Variants in DMXL1 observed in about 807,000 individuals in gnomAD.
DMXL1 encodes the protein dmX-like protein 1.
In DMXL1, 99 loss-of-function variants were observed where a neutral mutation model predicts 319.2. The ratio of observed to expected loss-of-function variants is 0.31; its 90% CI spans 0.26 to 0.37. DMXL1 has a LOEUF of 0.37. Among genes scored for constraint, DMXL1 ranks in the 10% least tolerant of loss-of-function variants. The probability of loss-of-function intolerance (pLI) is 1.00; values close to 1 mark genes in which losing one functional copy is unlikely to be tolerated. For missense variants in DMXL1, 3,745 were observed against 3,595.6 expected (o/e 1.04, Z -1.06); for synonymous variants, 1,385 against 1,235.2 (o/e 1.12, Z -2.54).
chr5:119,191,789 C>A (rs1581237129), intron 29 of DMXL1, among the ~76,000 whole-genome samples: 2 of 152,186 alleles, frequency 1.3e-5, no homozygotes, highest in Non-Finnish European at 2.9e-5. Flanking sequence ...TCACAGCCTT[C>A]CCTGCTGACC....
In DMXL1 at chr5:119,170,590, A is replaced by G; in HGVS notation, c.5799A>G (p.Gly1933=). ...DWSQSLINGF[G]SSSEGSSEKQ... ...CACAGTCACTGATAAATGGTTTTGG[A>G]TCTTCTTCAGAGGGTTCCTCAGAGA... Residue 1933 remains glycine, a synonymous_variant, in exon 24 of 44, where the codon GGA becomes GGG. Transcript: ENST00000539542. 3 of 1,613,654 alleles carry G rather than the reference A, an allele frequency of 1.9e-6. No individual in the cohort carries two copies. Among genetic ancestry groups the G allele is most frequent in the Non-Finnish European group, 2.5e-6 (3 of 1,179,872 alleles).
At chr5:119,177,178 G>A (rs957047187) in intron 26 of DMXL1, among the ~76,000 whole-genome samples, 179 bp from the exon 27 acceptor site, 2 of 151,986 alleles carry the variant, frequency 1.3e-5, no homozygotes, top group East Asian at 3.8e-4. Context: ...TAGAAAATGT[G>A]TATATTTACA....
rs947721986 is a variant in DMXL1 at position 119,244,801 on chromosome 5, A to G, written c.8922+225A>G. On this transcript the variant is annotated intron_variant, in intron 43 of 43. Transcript: ENST00000539542. ...ATGTTTAATTCATACTAAAACACCA[A>G]ATTTTCCATGAATATAAACATAATT... Among the ~76,000 whole-genome samples the G allele has an allele frequency of 2.0e-5, 3 of 152,308 alleles. No individual in the cohort carries two copies. In the South Asian group the frequency reaches 6.2e-4, roughly 32 times the overall value.
intron 19 of DMXL1, among the ~76,000 whole-genome samples, chr5:119,161,018 A>T (rs2150203731): frequency 6.6e-6 from 1 of 152,238 alleles, no homozygotes; most frequent in East Asian, 1.9e-4. Flanking sequence ...TTGTTTCGAG[A>T]TATAATGATT....
At chr5:119,071,776 C>A in intron 1 of DMXL1, 120 bp downstream of exon 1, 2 of 844,780 alleles carry the variant, frequency 2.4e-6, no homozygotes, top group Non-Finnish European at 3.6e-6. Flanking sequence ...GGGGTCCTTA[C>A]CACCCAGAAC....
rs775707185 is a variant in DMXL1 at position 119,129,205 on chromosome 5, T to C, written c.1103-6T>C. 6.3e-7 allele frequency: 1 copy of C among 1,583,268 alleles called. No individual in the cohort carries two copies. The highest frequency in any genetic ancestry group is 1.1e-5 in the South Asian group (1 of 87,084). On this transcript the variant is annotated splice_region_variant and splice_polypyrimidine_tract_variant and intron_variant, in intron 9 of 43. Coordinates refer to ENST00000539542, the MANE Select transcript of DMXL1 (RefSeq NM_001290321.3). ...ATTTTAATTTTATCTTTTTTTTCTC[T>C]TATAGACATTCCACTTCTTCCATCT...
In DMXL1 at chr5:119,164,518, A is replaced by G. The variant is rs1773005778; in HGVS notation, c.4714A>G (p.Ser1572Gly). Residue 1572 changes from serine (S) to glycine (G), a missense_variant, in exon 20 of 44, where the codon AGT becomes GGT. Physicochemically the swap from Ser to Gly is moderately conservative, Grantham distance 56. Transcript: ENST00000539542. The part of the protein sequence containing the change: ...AQLLHQGLST[S>G]HFAWAFHSVA... Reference sequence around the variant, plus strand: ...TTACATTTCTTCAGGCCTGTCTACAAGTCATTTTGCTTGGGCATTTCACTC... The same window carrying G: ...TTACATTTCTTCAGGCCTGTCTACAGGTCATTTTGCTTGGGCATTTCACTC... 6.2e-7 allele frequency: 1 copy of G among 1,613,938 alleles called. No homozygotes were observed. The highest frequency in any genetic ancestry group is 1.3e-5 in the African/African-American group (1 of 75,060).
intron 1 of DMXL1, among the ~76,000 whole-genome samples, chr5:119,072,404 CAT>C (rs1561515601): frequency 6.6e-6 from 1 of 151,984 alleles, no homozygotes; most frequent in African/African-American, 2.4e-5. Context: ...AGTAATTGCA[CAT>C]GATACTTTTA....
chr5:119,144,438 C>T (rs1460866096), intron 14 of DMXL1, 98 bp from the exon 15 acceptor site: 4 of 876,102 alleles, frequency 4.6e-6, no homozygotes, highest in Non-Finnish European at 7.2e-6. Flanking sequence ...TCTTATTCTG[C>T]CTTTAAATAT....
intron 10 of DMXL1, among the ~76,000 whole-genome samples, chr5:119,131,097 A>G (rs951093406): frequency 6.8e-6 from 1 of 146,248 alleles, no homozygotes; most frequent in African/African-American, 2.5e-5. Context: ...ATCTTTTATT[A>G]TATTTTTGCC....
At chr5:119,104,673 A>G (rs533870235) in intron 3 of DMXL1, among the ~76,000 whole-genome samples, 5 of 152,248 alleles carry the variant, frequency 3.3e-5, no homozygotes, top group Admixed American at 6.5e-5. Flanking sequence ...GTCAGCATAC[A>G]TTGTGTATTT....
intron 25 of DMXL1, among the ~76,000 whole-genome samples, chr5:119,174,808 C>T (rs1462240618): frequency 1.3e-5 from 2 of 152,210 alleles, no homozygotes; most frequent in Non-Finnish European, 1.5e-5. Context: ...CCTCTAGTTT[C>T]ACTCTCTTCA....
At chr5:119,163,870 C>T (rs577579422) in intron 19 of DMXL1, among the ~76,000 whole-genome samples, 9 of 152,180 alleles carry the variant, frequency 5.9e-5, no homozygotes, top group Admixed American at 1.3e-4. Context: ...CCAGCGCGCC[C>T]GGCCTAATTG....
In DMXL1 at chr5:119,170,831, A is replaced by G. The variant is rs779327527; in HGVS notation, c.6040A>G (p.Asn2014Asp). Residue 2014 changes from asparagine to aspartate, a missense_variant, in exon 24 of 44, where the codon AAT becomes GAT. Around this residue, in one of 4 missense-constraint regions of DMXL1, gnomAD observed 1,382 missense variants for 1,269.5 expected, o/e 1.09. Transcript: ENST00000539542. Reference sequence around the variant, plus strand: ...AGAATCTTTCAGCACACTAGATGAAAATGACCTTTTAAATCCATCAGAAGA... The same window carrying G: ...AGAATCTTTCAGCACACTAGATGAAGATGACCTTTTAAATCCATCAGAAGA... ...YTESFSTLDENDLLNPSEDII... is the reference protein window; with the variant it reads ...YTESFSTLDEDDLLNPSEDII... 5.0e-6 allele frequency: 8 copies of G among 1,612,106 alleles called. No individual in the cohort carries two copies. The East Asian group carries it at 1.3e-4, about 27-fold the overall frequency.
intron 8 of DMXL1, among the ~76,000 whole-genome samples, chr5:119,119,361 T>C (rs1010177577): frequency 4.6e-5 from 7 of 152,156 alleles, no homozygotes; most frequent in Non-Finnish European, 1.0e-4. Context: ...TCTTCTACCA[T>C]TTTATCTTTA....
rs1202621683 is a variant in DMXL1 at position 119,149,057 on chromosome 5, A to G, written c.3230A>G (p.His1077Arg). 1.2e-6 allele frequency: 2 copies of G among 1,613,844 alleles called. No homozygotes were observed. Among genetic ancestry groups the G allele is most frequent in the African/African-American group, 1.3e-5 (1 of 74,912 alleles). ...NSRSSQDFVMHVSIFECESTG... is the reference protein window; with the variant it reads ...NSRSSQDFVMRVSIFECESTG... ...AGATCTTCCCAGGACTTTGTGATGC[A>G]TGTAAGTATTTTTGAATGTGAGTCA... Residue 1077 changes from histidine (H) to arginine (R), a missense_variant, in exon 18 of 44, where the codon CAT becomes CGT. His to Arg is a conservative substitution (Grantham distance 29). Transcript: ENST00000539542.
In DMXL1 at chr5:119,238,806, G is replaced by T. The variant is rs1324051827; in HGVS notation, c.8560-183G>T. On this transcript the variant is annotated intron_variant, in intron 40 of 43. Coordinates refer to ENST00000539542, the MANE Select transcript of DMXL1 (RefSeq NM_001290321.3). ...AAATGTTAAAAAGTTGCTGCATCTGGGTAAAAGGTATATGAAAGTTCTCTG... is the reference window on the plus strand; with the variant it reads ...AAATGTTAAAAAGTTGCTGCATCTGTGTAAAAGGTATATGAAAGTTCTCTG... 4 of 840,424 alleles carry T rather than the reference G, an allele frequency of 4.8e-6. No individual in the cohort carries two copies. The African/African-American group carries it at 7.3e-5, about 15-fold the overall frequency. The allele number at this position is 840,424 out of a possible 1,614,324, so 52.1% of individuals were successfully genotyped here. A position where few individuals can be genotyped will look rare whatever the true frequency, so the allele number is the denominator to read the frequency against.
At chr5:119,106,709 G>A (rs149291809) in intron 4 of DMXL1, among the ~76,000 whole-genome samples, 220 of 152,286 alleles carry the variant, frequency 1.4e-3, no homozygotes, top group African/African-American at 4.8e-3. Context: ...TGGAACAGGA[G>A]AAGGAGTGAC....
chr5:119,223,218 G>A (rs1475169484), intron 37 of DMXL1, among the ~76,000 whole-genome samples: 8 of 151,680 alleles, frequency 5.3e-5, no homozygotes, highest in Non-Finnish European at 7.4e-5. Flanking sequence ...TACCATGCCC[G>A]GCTAATTTTT....
Sources: gnomAD v4.1 joint callset for allele counts (sites outside exome capture counted in the v4.1 genomes callset) on GRCh38, gnomAD v4.1.1 for gene constraint, gnomAD v4.1.1 regional missense constraint, MANE v1.5 for transcripts, NCBI Gene and HGNC (gene_info 2026-07-23, HGNC 2026-07-21) for gene names.